The following TRAK1 variants were observed in gnomAD, a reference collection of about 807,000 sequenced individuals.
TRAK1 encodes trafficking kinesin-binding protein 1.
A neutral mutation model predicts 92.1 loss-of-function variants in TRAK1; 33 were observed. The observed-to-expected ratio is 0.36, with a 90% CI of 0.27 to 0.48. The LOEUF is 0.48. Among genes scored for constraint, TRAK1 ranks in the 20% least tolerant of loss-of-function variants. The probability of loss-of-function intolerance (pLI) is 0.99; values close to 1 mark genes in which losing one functional copy is unlikely to be tolerated. For synonymous variants in TRAK1, 521 were observed against 517.3 expected (o/e 1.01, Z -0.10); for missense variants, 1,123 against 1,257.9 (o/e 0.89, Z 1.62).
At chr3:42,053,376 G>GT (rs1491108205) in intron 1 of TRAK1, among the ~76,000 whole-genome samples, 1 of 52,042 alleles carries the variant, frequency 1.9e-5, no homozygotes, top group Non-Finnish European at 3.3e-5. Context: ...AGAGTCGGGT[G>GT]GGGGGGGGGG....
intron 1 of TRAK1, among the ~76,000 whole-genome samples, chr3:42,031,840 C>T (rs568519341): frequency 6.6e-6 from 1 of 152,162 alleles, no homozygotes; most frequent in African/African-American, 2.4e-5. Flanking sequence ...GAGTAAAGAT[C>T]AGAATTTCAG....
chr3:42,219,786 GTTTTTTTT>G (rs397989334), intron 15 of TRAK1, among the ~76,000 whole-genome samples, 190 bp downstream of exon 15: 1 of 63,498 alleles, frequency 1.6e-5, no homozygotes, highest in Non-Finnish European at 3.3e-5. Flanking sequence ...GTTGTTATGT[GTTTTTTTT>G]TTTTTTTTTT....
intron 2 of TRAK1, among the ~76,000 whole-genome samples, chr3:42,158,801 A>C (rs990256711): frequency 2.7e-5 from 4 of 149,156 alleles, no homozygotes; most frequent in African/African-American, 9.8e-5. Flanking sequence ...AAAAAAAAAA[A>C]AAAAAAAATT....
intron 13 of TRAK1, among the ~76,000 whole-genome samples, chr3:42,204,945 T>C (rs1708157982): frequency 6.6e-6 from 1 of 152,182 alleles, no homozygotes; most frequent in African/African-American, 2.4e-5. Context: ...TTATTTTTTG[T>C]GTTACCATGT....
At chr3:42,197,200 T>C (rs1706846874) in intron 10 of TRAK1, among the ~76,000 whole-genome samples, 1 of 152,176 alleles carries the variant, frequency 6.6e-6, no homozygotes, top group Admixed American at 6.5e-5. Flanking sequence ...TTTTTCTCAG[T>C]ATGGCTTTGA....
Position 42,136,673 on chromosome 3 carries a change from A to G in TRAK1, c.286+11059A>G, listed in dbSNP as rs1404819827. Among the ~76,000 whole-genome samples, 3 of 147,464 alleles carry G rather than the reference A, an allele frequency of 2.0e-5. No individual in the cohort carries two copies. The East Asian group carries it at 6.1e-4, about 30-fold the overall frequency. On this transcript the variant is annotated intron_variant, in intron 2 of 15. Coordinates refer to ENST00000327628, the MANE Select transcript of TRAK1 (RefSeq NM_001042646.3). ...ATAAATAAATAAATAAATAAATAAC[A>G]TTTCTTTTCTTTCTTTTTGTTTTTT...
chr3:42,202,468 C>G lies in TRAK1; in HGVS notation c.1460C>G (p.Pro487Arg). 1.3e-6 allele frequency: 2 copies of G among 1,488,596 alleles called. No individual in the cohort carries two copies. Among genetic ancestry groups the G allele is most frequent in the Non-Finnish European group, 1.8e-6 (2 of 1,115,962 alleles). 92.2% of individuals were successfully genotyped at this position (1,488,596 alleles called of 1,614,324 possible). ...NDERSKKPGT[P>R]GTPGSHDLET... ...GAGCGGAGTAAGAAGCCGGGGACGC[C>G]GGGCACCCCAGGCTCCCACGACCTG... Residue 487 changes from proline (P) to arginine (R), a missense_variant, in exon 13 of 16, where the codon CCG becomes CGG. Physicochemically the swap from Pro to Arg is moderately radical, Grantham distance 103. Transcript: ENST00000327628. The surrounding 1 kb of genome is among the most constrained non-coding windows in gnomAD (Gnocchi z 6.1).
At chr3:42,180,864 C>CT (rs1381551158) in intron 3 of TRAK1, among the ~76,000 whole-genome samples, 1 of 152,000 alleles carries the variant, frequency 6.6e-6, no homozygotes, top group Non-Finnish European at 1.5e-5. Context: ...GATACTAGAT[C>CT]TTATTCTAAG....
At position 42,203,980 on chromosome 3, in the gene TRAK1, A is replaced by G. The variant is rs1046602486; in HGVS notation, c.1744+1228A>G. 4 of 985,736 alleles carry G rather than the reference A, an allele frequency of 4.1e-6. No homozygotes were observed. The East Asian group carries it at 3.4e-4, about 84-fold the overall frequency. The allele number at this position is 985,736 out of a possible 1,614,324, so 61.1% of individuals were successfully genotyped here. A position where few individuals can be genotyped will look rare whatever the true frequency, so the allele number is the denominator to read the frequency against. On this transcript the variant is annotated intron_variant, in intron 13 of 15. Coordinates refer to ENST00000327628, the MANE Select transcript of TRAK1 (RefSeq NM_001042646.3). The stretch of plus-strand genomic sequence containing the variant: ...GTTGTGCTTGTTAAAGACCCAAGAC[A>G]TGACTGGGTTCCACAGTCTCCAAAG...
chr3:42,112,265 A>G (rs1300004517), intron 1 of TRAK1, among the ~76,000 whole-genome samples: 1 of 149,276 alleles, frequency 6.7e-6, no homozygotes, highest in African/African-American at 2.5e-5. Flanking sequence ...AGCCTGGCCA[A>G]CATGGCAAAA....
At chr3:42,124,910 G>A (rs906766792) in intron 1 of TRAK1, among the ~76,000 whole-genome samples, 2 of 152,110 alleles carry the variant, frequency 1.3e-5, no homozygotes, top group African/African-American at 4.8e-5. Context: ...TCCTTTGCCC[G>A]TGGTACTCAG....
intron 12 of TRAK1, among the ~76,000 whole-genome samples, chr3:42,201,860 A>ATGGG (rs1315288713): frequency 4.4e-4 from 61 of 139,540 alleles, no homozygotes; most frequent in African/African-American, 1.5e-3. Flanking sequence ...ACCTGGACGG[A>ATGGG]CGGACGGACG....
chr3:42,111,324 T>G (rs1708364644), intron 1 of TRAK1, among the ~76,000 whole-genome samples: 1 of 152,112 alleles, frequency 6.6e-6, no homozygotes, highest in Admixed American at 6.5e-5. Flanking sequence ...ATACCAGTCC[T>G]TTTCCCAAAA....
chr3:42,176,618 C>G (rs1410338501), intron 2 of TRAK1, among the ~76,000 whole-genome samples, 196 bp from the exon 3 acceptor site: 1 of 152,242 alleles, frequency 6.6e-6, no homozygotes, highest in Non-Finnish European at 1.5e-5. Flanking sequence ...CCCCTACCCC[C>G]AGACTCATCC....
chr3:42,202,792 G>A lies in TRAK1; in HGVS notation c.1744+40G>A. 1.2e-6 allele frequency: 2 copies of A among 1,608,248 alleles called. No homozygotes were observed. The highest frequency in any genetic ancestry group is 1.7e-6 in the Non-Finnish European group (2 of 1,175,928). ...CCTCGGCCCCTCTCTGTCCTCCTGGGGGACTCCCTTTGGTCCCTGATCCAC... is the reference window on the plus strand; with the variant it reads ...CCTCGGCCCCTCTCTGTCCTCCTGGAGGACTCCCTTTGGTCCCTGATCCAC... On this transcript the variant is annotated intron_variant, in intron 13 of 15. Coordinates refer to ENST00000327628, the MANE Select transcript of TRAK1 (RefSeq NM_001042646.3). This position sits in a 1 kb window ranked among gnomAD's most constrained non-coding sequence, Gnocchi z 6.1.
intron 1 of TRAK1, among the ~76,000 whole-genome samples, chr3:42,075,600 A>C (rs1049671537): frequency 3.3e-5 from 5 of 152,156 alleles, no homozygotes; most frequent in Admixed American, 6.5e-5. Context: ...TTTATAATAC[A>C]TTTCTACCAG....
rs1450236289 is a variant in TRAK1 at position 42,193,151 on chromosome 3, G to A, written c.846G>A (p.Glu282=). 1.2e-6 allele frequency: 2 copies of A among 1,614,214 alleles called. No homozygotes were observed. Among genetic ancestry groups the A allele is most frequent in the Non-Finnish European group, 1.7e-6 (2 of 1,180,034 alleles). ...KKTEDAARQQ[E]EITHLLSQIV... ...CGGAAGATGCTGCCCGCCAGCAAGA[G>A]GAGATCACACACCTGCTATCGCAAA... The change falls in exon 8 of 16, where the codon GAG becomes GAA. Residue 282 remains glutamate, a synonymous_variant. Transcript: ENST00000327628.
chr3:42,153,096 A>G (rs1485245582), intron 2 of TRAK1, among the ~76,000 whole-genome samples: 2 of 152,182 alleles, frequency 1.3e-5, no homozygotes, highest in East Asian at 3.8e-4. Flanking sequence ...TTTAACAAAA[A>G]AAAATCTTTG....
intron 2 of TRAK1, among the ~76,000 whole-genome samples, chr3:42,161,662 G>A (rs781225379): frequency 1.1e-4 from 16 of 152,206 alleles, no homozygotes; most frequent in Admixed American, 6.5e-4. Context: ...TTCTTTTGAA[G>A]TTACTGTTCT....
Sources: gnomAD v4.1 joint callset for allele counts (sites outside exome capture counted in the v4.1 genomes callset) on GRCh38, gnomAD v4.1.1 for gene constraint, Gnocchi (gnomAD v3.1) non-coding constraint, MANE v1.5 for transcripts, NCBI Gene and HGNC (gene_info 2026-07-23, HGNC 2026-07-21) for gene names.